ARHGEF3: variants seen among roughly 807,000 people sequenced by gnomAD.
The protein encoded by ARHGEF3 is 59.8 kDA protein.
In ARHGEF3, 28 loss-of-function variants were observed where a neutral mutation model predicts 63.2. The observed-to-expected ratio is 0.44, with a 90% CI of 0.33 to 0.61. The LOEUF (loss-of-function observed/expected upper bound fraction) is 0.61, where lower values mean the gene tolerates loss of function less well. Ranked by LOEUF, ARHGEF3 falls within the 20% of genes least tolerant of loss-of-function variation. The pLI, the probability that ARHGEF3 is intolerant of heterozygous loss-of-function variation, is 0.03. For synonymous variants in ARHGEF3, 266 were observed against 254.2 expected (o/e 1.05, Z -0.44); for missense variants, 533 against 659.3 (o/e 0.81, Z 2.10).
intron 2 of ARHGEF3, among the ~76,000 whole-genome samples, chr3:56,999,968 C>G (rs1045145936): frequency 6.6e-6 from 1 of 152,026 alleles, no homozygotes; most frequent in East Asian, 1.9e-4. Context: ...ATGCTTGAAC[C>G]CTGACTCTAT....
intron 2 of ARHGEF3, among the ~76,000 whole-genome samples, chr3:57,001,096 T>A: frequency 6.6e-6 from 1 of 151,940 alleles, no homozygotes; most frequent in Non-Finnish European, 1.5e-5. Context: ...TGCACCACAA[T>A]GCCTGGCTAA....
At chr3:57,051,962 C>CAA (rs35569376) in intron 1 of ARHGEF3, among the ~76,000 whole-genome samples, 1 of 143,046 alleles carries the variant, frequency 7.0e-6, no homozygotes. Flanking sequence ...GAGTCTGCCT[C>CAA]AAAAAAAAAA....
intron 2 of ARHGEF3, among the ~76,000 whole-genome samples, chr3:57,000,540 G>A (rs1388940274): frequency 6.6e-6 from 1 of 151,256 alleles, no homozygotes; most frequent in Non-Finnish European, 1.5e-5. Context: ...TATTATTTGT[G>A]TGCATGTGTG....
intron 3 of ARHGEF3, among the ~76,000 whole-genome samples, chr3:56,953,544 CTCCAGTGGA>C (rs1699908113): frequency 6.6e-6 from 1 of 152,166 alleles, no homozygotes; most frequent in Admixed American, 6.5e-5. Flanking sequence ...CCTCAAGTGG[CTCCAGTGGA>C]GCTACCAGTT....
intron 4 of ARHGEF3, among the ~76,000 whole-genome samples, chr3:56,830,092 G>A (rs2038877338): frequency 6.6e-6 from 1 of 152,206 alleles, no homozygotes; most frequent in Admixed American, 6.5e-5. Context: ...GAATTTGTAA[G>A]TAGCAGAGCT....
intron 2 of ARHGEF3, among the ~76,000 whole-genome samples, chr3:56,995,620 C>CCAGAGA (rs1460466352): frequency 6.2e-5 from 7 of 113,234 alleles, no homozygotes; most frequent in African/African-American, 2.5e-4. Flanking sequence ...GTAAATTTTC[C>CCAGAGA]GAGAGAGAGA....
At chr3:56,843,786 AAGATTCCCTTT>A (rs2039394461) in intron 4 of ARHGEF3, among the ~76,000 whole-genome samples, 1 of 152,216 alleles carries the variant, frequency 6.6e-6, no homozygotes, top group East Asian at 1.9e-4. Context: ...ATATAAGAAG[AAGATTCCCTTT>A]ACTTTCTGCC....
chr3:56,882,738 C>T (rs951606170), intron 3 of ARHGEF3, among the ~76,000 whole-genome samples: 4 of 152,002 alleles, frequency 2.6e-5, no homozygotes, highest in Non-Finnish European at 5.9e-5. Flanking sequence ...AGGCTGGTCT[C>T]GAACTCCTGA....
intron 3 of ARHGEF3, among the ~76,000 whole-genome samples, chr3:56,922,882 A>G (rs1271597352): frequency 6.6e-6 from 1 of 151,914 alleles, no homozygotes; most frequent in Non-Finnish European, 1.5e-5. Flanking sequence ...ACTAACTGAC[A>G]TATGTATTTA....
In ARHGEF3 at chr3:56,908,513, C is replaced by T. The variant is rs956293486; in HGVS notation, c.130-26159G>A. Among the ~76,000 whole-genome samples, 4 of 152,200 alleles carry T rather than the reference C, an allele frequency of 2.6e-5. No homozygotes were observed. In the East Asian group the frequency reaches 7.7e-4, roughly 29 times the overall value. On this transcript the variant is annotated intron_variant, in intron 3 of 12. Coordinates refer to the ARHGEF3 transcript ENST00000338458. ...CTAAGGGGCTCACACCATAATGGTT[C>T]TGCAGTTGAGATGTGGAATATGTTT...
At chr3:56,802,773 A>G (rs2037721442), upstream of ARHGEF3, among the ~76,000 whole-genome samples, 1 of 152,220 alleles carries the variant, frequency 6.6e-6, no homozygotes, top group Non-Finnish European at 1.5e-5. Context: ...AATGCCCAAG[A>G]AGGCGATTGA....
chr3:56,780,650 T>C (rs1188072970), intron 1 of ARHGEF3, among the ~76,000 whole-genome samples: 2 of 152,222 alleles, frequency 1.3e-5, no homozygotes, highest in African/African-American at 4.8e-5. Context: ...CATGATCTTA[T>C]AGCAAAATAC....
chr3:57,066,348 G>A (rs1163040742), intron 1 of ARHGEF3, among the ~76,000 whole-genome samples: 1 of 150,062 alleles, frequency 6.7e-6, no homozygotes, highest in Non-Finnish European at 1.5e-5. Context: ...CGCAACCTCC[G>A]CCTCCCAGGT....
At chr3:56,767,936 C>T (rs568693088) in intron 2 of ARHGEF3, among the ~76,000 whole-genome samples, 11 of 151,908 alleles carry the variant, frequency 7.2e-5, no homozygotes, top group African/African-American at 1.7e-4. Flanking sequence ...TTGGTAGAGA[C>T]GGGGTTTCAC....
intron 3 of ARHGEF3, among the ~76,000 whole-genome samples, chr3:56,933,048 A>G (rs2042454305): frequency 6.6e-6 from 1 of 152,220 alleles, no homozygotes; most frequent in Admixed American, 6.5e-5. Context: ...GTTCAGTACC[A>G]GTCTGCGGCA....
In ARHGEF3 at chr3:56,729,700, AC is replaced by A. The variant is rs879249371; in HGVS notation, c.1229-79del. ...GGCCAAAGAGAACACACGTAGTGAC[AC>A]TAAACCCCAGAATCCATGGCAGGTA... On this transcript the variant is annotated intron_variant, in intron 9 of 9. Coordinates refer to ENST00000296315, the MANE Select transcript of ARHGEF3 (RefSeq NM_019555.3). 7.9e-5 allele frequency: 95 copies of A among 1,202,494 alleles called. 2 individuals are homozygous for A. The South Asian group carries it at 1.4e-3, about 18-fold the overall frequency. 74.5% of individuals were successfully genotyped at this position (1,202,494 alleles called of 1,614,324 possible). A position where few individuals can be genotyped will look rare whatever the true frequency, so the allele number is the denominator to read the frequency against.
intron 1 of ARHGEF3, among the ~76,000 whole-genome samples, chr3:57,065,760 G>A (rs963717873): frequency 1.3e-5 from 2 of 152,138 alleles, no homozygotes. Flanking sequence ...GGTAGCCTGC[G>A]GAACAGGAGA....
intron 4 of ARHGEF3, among the ~76,000 whole-genome samples, chr3:56,812,326 A>T (rs1209814295): frequency 6.6e-6 from 1 of 152,202 alleles, no homozygotes; most frequent in Non-Finnish European, 1.5e-5. Flanking sequence ...CCACTTTGAG[A>T]AACGGCTCCT....
At chr3:56,971,755 G>C (rs1052813785) in intron 2 of ARHGEF3, among the ~76,000 whole-genome samples, 64 of 152,182 alleles carry the variant, frequency 4.2e-4, no homozygotes, top group African/African-American at 1.5e-3. Context: ...TCGGGAGGCT[G>C]AGGCAGGAGA....
Sources: gnomAD v4.1 joint callset for allele counts (sites outside exome capture counted in the v4.1 genomes callset) on GRCh38, gnomAD v4.1.1 for gene constraint, MANE v1.5 for transcripts, NCBI Gene and HGNC (gene_info 2026-07-23, HGNC 2026-07-21) for gene names.